Variants in CFAP251 observed in about 807,000 individuals in gnomAD.
CFAP251 encodes cilia and flagella associated protein 251.
In CFAP251, 93 loss-of-function variants were observed where a neutral mutation model predicts 126.7. The observed-to-expected ratio is 0.73, with a 90% CI of 0.62 to 0.87. CFAP251 has a LOEUF of 0.87. CFAP251 is among the 40% of genes least tolerant of loss of function. The pLI, the probability that CFAP251 is intolerant of heterozygous loss-of-function variation, is 0.00. For synonymous variants in CFAP251, 503 were observed against 506.9 expected, an observed-to-expected ratio of 0.99 and a Z score of 0.10; for missense variants, 1,287 against 1,389.2, an observed-to-expected ratio of 0.93 and a Z score of 1.17.
intron 5 of CFAP251, among the ~76,000 whole-genome samples, chr12:121,939,923 A>G (rs1023868604): frequency 1.3e-5 from 2 of 152,206 alleles, no homozygotes; most frequent in African/African-American, 4.8e-5. Context: ...GTAAAACTGC[A>G]TTTCAATATT....
intron 17 of CFAP251, among the ~76,000 whole-genome samples, chr12:121,972,783 T>C (rs1882368985): frequency 1.3e-5 from 2 of 152,198 alleles, no homozygotes; most frequent in Non-Finnish European, 2.9e-5. Flanking sequence ...CTACCGCGCC[T>C]GGCCTCTGGC....
intron 5 of CFAP251, among the ~76,000 whole-genome samples, chr12:121,937,620 C>G (rs892851597): frequency 1.3e-5 from 2 of 152,120 alleles, no homozygotes; most frequent in African/African-American, 4.8e-5. Flanking sequence ...ATTGTTAGGG[C>G]CTGGTTGGGT....
At chr12:121,931,415 T>A (rs1322328042) in intron 3 of CFAP251, among the ~76,000 whole-genome samples, 3 of 152,056 alleles carry the variant, frequency 2.0e-5, no homozygotes, top group African/African-American at 2.4e-5. Context: ...CGGGTTCAAG[T>A]GATTCTCCTG....
Position 121,951,479 on chromosome 12 carries a change from G to T in CFAP251, c.1270-1G>T. 1.3e-6 allele frequency: 2 copies of T among 1,565,314 alleles called. No homozygotes were observed. The highest frequency in any genetic ancestry group is 1.8e-6 in the Non-Finnish European group (2 of 1,142,634). On this transcript the variant is annotated splice_acceptor_variant, in intron 8 of 21. Transcript: ENST00000288912. LOFTEE classifies it high-confidence loss of function. The stretch of plus-strand genomic sequence containing the variant: ...TAGTGATTATTTTTTCCTCTTATCA[G>T]TATGAAGAGAGGGATACACTGGCTC...
chr12:121,941,852 T>C (rs1478677520), intron 5 of CFAP251, among the ~76,000 whole-genome samples: 2 of 152,186 alleles, frequency 1.3e-5, no homozygotes, highest in East Asian at 3.9e-4. Context: ...AAGGTTTTGA[T>C]AGATACAGCC....
intron 20 of CFAP251, 75 bp downstream of exon 20, chr12:122,000,019 A>G: frequency 7.4e-7 from 1 of 1,351,332 alleles, no homozygotes; most frequent in Non-Finnish European, 1.0e-6. Flanking sequence ...TTGGGGAGCC[A>G]GCCCCTGTGG....
intron 19 of CFAP251, among the ~76,000 whole-genome samples, chr12:121,993,750 G>A (rs1367921289): frequency 6.6e-6 from 1 of 151,450 alleles, no homozygotes; most frequent in East Asian, 2.0e-4. Flanking sequence ...CGTCTGAGAA[G>A]TGAGGAGCCC....
rs760941936 is a variant in CFAP251, at chr12:121,928,534, A to G, written c.748-3212A>G. ...TACCAGATTTTGTTTCTATATGCCA[A>G]TTTAATTCACTGATTCTTAGCAACG... On this transcript the variant is annotated intron_variant, in intron 3 of 21. Transcript: ENST00000288912. 3.3e-5 allele frequency among the ~76,000 whole-genome samples: 5 copies of G among 151,172 alleles called. No individual in the cohort carries two copies. In the South Asian group the frequency reaches 6.2e-4, roughly 19 times the overall value.
chr12:122,001,669 T>C, intron 21 of CFAP251, 71 bp downstream of exon 21: 1 of 1,221,674 alleles, frequency 8.2e-7, no homozygotes, highest in African/African-American at 1.5e-5. Context: ...AGTACATTTA[T>C]TTCTCCTGAT....
At chr12:121,921,773 A>G (rs1321783225) in intron 2 of CFAP251, 90 bp downstream of exon 2, 2 of 1,353,112 alleles carry the variant, frequency 1.5e-6, no homozygotes, top group East Asian at 2.4e-5. Context: ...CACAAAACCA[A>G]ATAAGGTACA....
In CFAP251 at chr12:121,934,330, G is replaced by C; in HGVS notation, c.972G>C (p.Leu324=). The C allele has an allele frequency of 1.2e-6, 2 of 1,614,014 alleles. No individual in the cohort carries two copies. Among genetic ancestry groups the C allele is most frequent in the Non-Finnish European group, 1.7e-6 (2 of 1,179,964 alleles). The part of the protein sequence containing the change: ...IATADKGPDC[L]VIIWDSFTGI... ...CAGCAGACAAAGGGCCAGACTGCCT[G>C]GTGATTATATGGGACTCCTTCACAG... Residue 324 remains leucine, a synonymous_variant, in exon 5 of 22, where the codon CTG becomes CTC. Transcript: ENST00000288912.
chr12:121,976,722 C>T (rs992513796), intron 19 of CFAP251, among the ~76,000 whole-genome samples: 14 of 151,932 alleles, frequency 9.2e-5, no homozygotes, highest in African/African-American at 3.4e-4. Flanking sequence ...GCCAGGGTAA[C>T]ATAGAGAGAT....
At chr12:121,966,899 A>T in intron 15 of CFAP251, 56 bp from the exon 16 acceptor site, 1 of 1,555,460 alleles carries the variant, frequency 6.4e-7, no homozygotes. Context: ...AAAGAATCTT[A>T]AAACCTATGT....
intron 17 of CFAP251, among the ~76,000 whole-genome samples, chr12:121,970,251 G>C (rs1882289074): frequency 6.6e-6 from 1 of 152,094 alleles, no homozygotes; most frequent in South Asian, 2.1e-4. Context: ...CTCCGTGCTA[G>C]CATGCACCCT....
intron 8 of CFAP251, chr12:121,950,484 TG>T (rs1336034679): frequency 6.6e-6 from 1 of 152,202 alleles, no homozygotes; most frequent in African/African-American, 2.4e-5. Flanking sequence ...AATAAAAAAT[TG>T]TAGAACAAAA....
Position 121,957,110 on chromosome 12 carries a change from G to A in CFAP251, c.1572G>A (p.Lys524=). The A allele has an allele frequency of 6.2e-7, 1 of 1,608,520 alleles. No homozygotes were observed. Among genetic ancestry groups the A allele is most frequent in the African/African-American group, 1.3e-5 (1 of 74,700 alleles). The change falls in exon 11 of 22, where the codon AAG becomes AAA. Residue 524 remains lysine, a synonymous_variant. Coordinates refer to ENST00000288912, the MANE Select transcript of CFAP251 (RefSeq NM_144668.6). ...CAGGTGACATTAAGGGGAACATTAA[G>A]TTCTATGATCACACCCTGTCTATTG... is the stretch of plus-strand genomic sequence containing the variant. ...IVTGDIKGNI[K]FYDHTLSIVN... is the part of the protein sequence containing the mutation.
At chr12:121,940,807 C>A (rs1592972708) in intron 5 of CFAP251, among the ~76,000 whole-genome samples, 1 of 152,076 alleles carries the variant, frequency 6.6e-6, no homozygotes, top group Non-Finnish European at 1.5e-5. Flanking sequence ...AATAAAAGTT[C>A]CTCCTCACCC....
At chr12:121,958,615 C>T in intron 12 of CFAP251, 93 bp downstream of exon 12, 1 of 1,561,778 alleles carries the variant, frequency 6.4e-7, no homozygotes, top group Non-Finnish European at 8.7e-7. Flanking sequence ...AGGAAGTCTC[C>T]CCGACTCCAG....
At chr12:121,970,962 G>A (rs1882311128) in intron 17 of CFAP251, among the ~76,000 whole-genome samples, 1 of 152,208 alleles carries the variant, frequency 6.6e-6, no homozygotes, top group Non-Finnish European at 1.5e-5. Flanking sequence ...CCCCTCTGGG[G>A]TCAGTTGACG....
Sources: gnomAD v4.1 joint callset for allele counts (sites outside exome capture counted in the v4.1 genomes callset) on GRCh38, gnomAD v4.1.1 for gene constraint, MANE v1.5 for transcripts, NCBI Gene and HGNC (gene_info 2026-07-23, HGNC 2026-07-21) for gene names.